Variants in PDE11A observed in about 807,000 individuals in gnomAD.
PDE11A encodes dual 3',5'-cyclic-AMP and -GMP phosphodiesterase 11A.
PDE11A carries 100 observed loss-of-function variants against 100.5 expected under a neutral mutation model. The ratio of observed to expected loss-of-function variants is 1.00; its 90% confidence interval spans 0.85 to 1.18. The LOEUF (loss-of-function observed/expected upper bound fraction) is 1.18, where lower values mean the gene tolerates loss of function less well. Ranked by LOEUF, PDE11A falls within the 50% of genes most tolerant of loss-of-function variation. The probability of loss-of-function intolerance (pLI) is 0.00; values close to 1 mark genes in which losing one functional copy is unlikely to be tolerated. For synonymous variants in PDE11A, 381 were observed against 420.8 expected, an observed-to-expected ratio of 0.91 and a Z score of 1.16; for missense variants, 1,141 against 1,152.6, an observed-to-expected ratio of 0.99 and a Z score of 0.15.
At chr2:177,937,659 T>C (rs76751817) in intron 2 of PDE11A, among the ~76,000 whole-genome samples, 13,153 of 152,198 alleles carry the variant, frequency 0.086, 539 homozygotes, top group South Asian at 0.099. Flanking sequence ...GAAATCTACT[T>C]TCTAAGTTGA....
chr2:177,959,380 A>G (rs1178269530), intron 2 of PDE11A, among the ~76,000 whole-genome samples: 1 of 152,220 alleles, frequency 6.6e-6, no homozygotes, highest in East Asian at 1.9e-4. Context: ...TATGCATAAA[A>G]GTGCCATGAT....
chr2:178,052,559 A>G (rs2086843009), intron 1 of PDE11A, among the ~76,000 whole-genome samples: 1 of 152,164 alleles, frequency 6.6e-6, no homozygotes, highest in African/African-American at 2.4e-5. Context: ...CCTTCAAAAA[A>G]TCAATGAATC....
At chr2:178,051,799 A>G (rs565294302) in intron 1 of PDE11A, among the ~76,000 whole-genome samples, 1 of 152,366 alleles carries the variant, frequency 6.6e-6, no homozygotes, top group South Asian at 2.1e-4. Context: ...GATCAATTCA[A>G]CAAGAAGAGC....
rs2084638057 is a variant in PDE11A at position 177,898,079 on chromosome 2, G to C, written c.1281C>G (p.Leu427=). The C allele has an allele frequency of 6.2e-7, 1 of 1,612,494 alleles. No individual in the cohort carries two copies. The highest frequency in any genetic ancestry group is 8.5e-7 in the Non-Finnish European group (1 of 1,178,628). The stretch of plus-strand genomic sequence containing the variant: ...TTACTGGTGATTCGATGTCCTCTAG[G>C]AGTAAAACAGAACAGCGTTCACATT... The part of the protein sequence containing the change: ...LLKCERCSVL[L]LEDIESPVVK... The change falls in exon 4 of 20, where the codon CTC becomes CTG. Residue 427 remains leucine (L), a synonymous_variant. Coordinates refer to ENST00000286063, the MANE Select transcript of PDE11A (RefSeq NM_016953.4).
intron 2 of PDE11A, among the ~76,000 whole-genome samples, chr2:177,914,050 T>G (rs1024696328): frequency 6.6e-6 from 1 of 152,192 alleles, no homozygotes; most frequent in Non-Finnish European, 1.5e-5. Context: ...ACCATTCTTT[T>G]AAAATCTTGT....
chr2:177,800,183 CT>C (rs11367453), intron 9 of PDE11A, among the ~76,000 whole-genome samples: 118,815 of 145,892 alleles, frequency 0.81, 48,473 homozygotes, highest in East Asian at 0.98. Context: ...AAAAATTTTT[CT>C]TTTTTTTTTT....
Position 178,097,540 on chromosome 2 carries a change from G to A in PDE11A, c.162+6762C>T, listed in dbSNP as rs752639230. On this transcript the variant is annotated intron_variant, in intron 2 of 20. Transcript: ENST00000358450. The stretch of plus-strand genomic sequence containing the variant: ...CCCATGATCCAATCACCTCCCACCC[G>A]GTCCCTCCCTCGACATGTGAGGATT... Among the ~76,000 whole-genome samples, 6 of 152,004 alleles carry A rather than the reference G, an allele frequency of 3.9e-5. No individual in the cohort carries two copies. The South Asian group carries it at 6.2e-4, about 16-fold the overall frequency.
At position 177,728,938 on chromosome 2, in the gene PDE11A, A is replaced by G. The variant is rs1053887175; in HGVS notation, c.1789-766T>C. 5.3e-5 allele frequency among the ~76,000 whole-genome samples: 8 copies of G among 152,234 alleles called. No individual in the cohort carries two copies. The East Asian group carries it at 1.5e-3, about 29-fold the overall frequency. ...AGGAGAAAAAAAATCTTTGGAAATCATTTGTATGGTGATTTCATTGGGTTT... is the reference window on the plus strand; with the variant it reads ...AGGAGAAAAAAAATCTTTGGAAATCGTTTGTATGGTGATTTCATTGGGTTT... On this transcript the variant is annotated intron_variant, in intron 10 of 19. Coordinates refer to ENST00000286063, the MANE Select transcript of PDE11A (RefSeq NM_016953.4).
intron 10 of PDE11A, among the ~76,000 whole-genome samples, chr2:177,750,849 A>G (rs1011459681): frequency 1.3e-5 from 2 of 152,220 alleles, no homozygotes; most frequent in African/African-American, 2.4e-5. Context: ...GCAGTGTTCT[A>G]TGAGATACCA....
chr2:177,667,337 G>T (rs570721238), intron 18 of PDE11A, among the ~76,000 whole-genome samples: 1 of 152,198 alleles, frequency 6.6e-6, no homozygotes, highest in African/African-American at 2.4e-5. Context: ...CCCCTATCCA[G>T]AAGATTTATA....
At chr2:177,901,522 G>T (rs533396154) in intron 3 of PDE11A, among the ~76,000 whole-genome samples, 1 of 152,148 alleles carries the variant, frequency 6.6e-6, no homozygotes, top group African/African-American at 2.4e-5. Flanking sequence ...TGAACCCACT[G>T]GGTGGTTACA....
intron 14 of PDE11A, among the ~76,000 whole-genome samples, chr2:177,699,304 A>G (rs1225983819): frequency 6.6e-6 from 1 of 152,208 alleles, no homozygotes; most frequent in East Asian, 1.9e-4. Context: ...ATCTAAACCT[A>G]TTTAAACATA....
chr2:178,062,396 C>T (rs6712039), intron 1 of PDE11A, among the ~76,000 whole-genome samples: 3,757 of 151,420 alleles, frequency 0.025, 147 homozygotes, highest in African/African-American at 0.086. Flanking sequence ...AGTGTGCACC[C>T]TCTCACTTAG....
intron 19 of PDE11A, among the ~76,000 whole-genome samples, chr2:177,632,425 T>G (rs1451040376): frequency 6.6e-6 from 1 of 152,194 alleles, no homozygotes; most frequent in African/African-American, 2.4e-5. Flanking sequence ...CTCTCCTTTC[T>G]TCTCTCCTCT....
intron 2 of PDE11A, among the ~76,000 whole-genome samples, chr2:177,968,166 A>C (rs1196692275): frequency 6.6e-6 from 1 of 152,094 alleles, no homozygotes; most frequent in Non-Finnish European, 1.5e-5. Flanking sequence ...AACAAAGACA[A>C]ACAAACAAAC....
At chr2:178,089,548 T>C (rs904847869) in intron 2 of PDE11A, among the ~76,000 whole-genome samples, 11 of 152,186 alleles carry the variant, frequency 7.2e-5, no homozygotes, top group African/African-American at 2.4e-4. Flanking sequence ...GTGAGGAATT[T>C]TATCAGATAC....
chr2:177,687,270 C>T (rs2080966393), intron 15 of PDE11A: 1 of 152,184 alleles, frequency 6.6e-6, no homozygotes, highest in South Asian at 2.1e-4. Flanking sequence ...GTGCACCTCC[C>T]AACTGTTGCT....
chr2:177,722,316 G>A (rs1334496582), intron 12 of PDE11A, among the ~76,000 whole-genome samples: 5 of 152,064 alleles, frequency 3.3e-5, no homozygotes, highest in South Asian at 2.1e-4. Context: ...CTGATGGTGC[G>A]GGAGAATTTA....
intron 1 of PDE11A, among the ~76,000 whole-genome samples, chr2:178,033,281 A>G (rs138220070): frequency 8.9e-4 from 135 of 152,320 alleles, no homozygotes; most frequent in African/African-American, 3.0e-3. Flanking sequence ...AAATTTATCA[A>G]GTGGGAGAAA....
Sources: allele counts gnomAD v4.1 joint callset (sites outside exome capture counted in the v4.1 genomes callset), GRCh38; gene constraint gnomAD v4.1.1; transcripts MANE v1.5; gene names NCBI Gene and HGNC (gene_info 2026-07-23, HGNC 2026-07-21).